PEMT: variants seen among roughly 807,000 people sequenced by gnomAD.
The protein encoded by PEMT is phosphatidylethanolamine N-methyltransferase, also known as phospholipid methyltransferase.
PEMT carries 23 observed loss-of-function variants against 27.4 expected under a neutral mutation model. The observed-to-expected ratio is 0.84, with a 90% CI of 0.60 to 1.19. The LOEUF (loss-of-function observed/expected upper bound fraction) is 1.19, where lower values mean the gene tolerates loss of function less well. PEMT is among the 50% of genes most tolerant of loss of function. PEMT has a pLI of 0.00. For missense variants in PEMT, 307 were observed against 310.1 expected (o/e 0.99, Z 0.07); for synonymous variants, 137 against 139.1 (o/e 0.98, Z 0.11).
At chr17:17,516,092 T>C (rs914299423) in intron 3 of PEMT, among the ~76,000 whole-genome samples, 1 of 152,102 alleles carries the variant, frequency 6.6e-6, no homozygotes, top group African/African-American at 2.4e-5. Flanking sequence ...AACACTTCCC[T>C]GACTTTGATC....
At chr17:17,560,817 C>G (rs1282227564) in intron 2 of PEMT, among the ~76,000 whole-genome samples, 1 of 151,846 alleles carries the variant, frequency 6.6e-6, no homozygotes, top group East Asian at 1.9e-4. Context: ...GTCCAGCCTC[C>G]CCTCGACACT....
At chr17:17,522,844 AGGCCCAAATTTCCGCTGGG>A (rs899065001) in intron 2 of PEMT, among the ~76,000 whole-genome samples, 6 of 152,220 alleles carry the variant, frequency 3.9e-5, no homozygotes, top group African/African-American at 9.7e-5. Context: ...TTCAGAGCAC[AGGCCCAAATTTCCGCTGGG>A]GGCCTCACAA....
Position 17,512,695 on chromosome 17 carries a change from G to A in PEMT, c.321-41C>T, listed in dbSNP as rs747349866. 240 of 1,462,116 alleles carry A rather than the reference G, an allele frequency of 1.6e-4. No individual in the cohort carries two copies. Among genetic ancestry groups the A allele is most frequent in the Non-Finnish European group, 1.9e-4 (208 of 1,096,530 alleles). The allele number at this position is 1,462,116 out of a possible 1,614,324, so 90.6% of individuals were successfully genotyped here. On this transcript the variant is annotated intron_variant, in intron 3 of 6. Transcript: ENST00000255389. This position sits in a 1 kb window ranked among gnomAD's most constrained non-coding sequence, Gnocchi z 6.3. ...GGAGAGGGAGGACGTCATGGCCAGG[G>A]AGGATGTCACAGCCCGGGAGGAGGC...
intron 2 of PEMT, among the ~76,000 whole-genome samples, chr17:17,565,653 G>C (rs1910780755): frequency 6.6e-6 from 1 of 152,276 alleles, no homozygotes; most frequent in African/African-American, 2.4e-5. Flanking sequence ...AGCTGCCACT[G>C]TGTGGCCCTG....
intron 2 of PEMT, among the ~76,000 whole-genome samples, chr17:17,537,702 T>A (rs1351487450): frequency 6.6e-6 from 1 of 152,204 alleles, no homozygotes; most frequent in African/African-American, 2.4e-5. Context: ...CACTCTTTGC[T>A]CCTGGAAGCT....
intron 2 of PEMT, among the ~76,000 whole-genome samples, chr17:17,572,817 T>A (rs1911296792): frequency 6.6e-6 from 1 of 152,256 alleles, no homozygotes; most frequent in Non-Finnish European, 1.5e-5. Flanking sequence ...ATTGAAATAC[T>A]GCATGACATG....
At chr17:17,535,987 G>A (rs1035465582) in intron 2 of PEMT, among the ~76,000 whole-genome samples, 8 of 152,180 alleles carry the variant, frequency 5.3e-5, no homozygotes, top group African/African-American at 1.7e-4. Flanking sequence ...GAGGGCCTTG[G>A]TCCAGTGTCT....
intron 2 of PEMT, among the ~76,000 whole-genome samples, chr17:17,533,069 C>G (rs982463093): frequency 2.0e-5 from 3 of 152,316 alleles, no homozygotes; most frequent in Non-Finnish European, 2.9e-5. Flanking sequence ...GGAGGACTCA[C>G]TTCCTGATTT....
At position 17,561,456 on chromosome 17, in the gene PEMT, G is replaced by A. The variant is rs1031080939; in HGVS notation, c.204+15464C>T. Among the ~76,000 whole-genome samples the A allele has an allele frequency of 6.6e-6, 1 of 152,226 alleles. No homozygotes were observed. Among genetic ancestry groups the A allele is most frequent in the African/African-American group, 2.4e-5 (1 of 41,462 alleles). ...AAAGGTATCAAGGACAAAACCCACA[G>A]AGCAGTTCCACAACAGATGCCCTGG... On this transcript the variant is annotated intron_variant, in intron 2 of 6. Coordinates refer to ENST00000255389, the MANE Select transcript of PEMT (RefSeq NM_148172.3). This position sits in a 1 kb window ranked among gnomAD's most constrained non-coding sequence, Gnocchi z 4.5.
intron 2 of PEMT, among the ~76,000 whole-genome samples, chr17:17,549,374 G>A (rs543522204): frequency 6.6e-6 from 1 of 152,128 alleles, no homozygotes; most frequent in Middle Eastern, 3.2e-3. Context: ...ATTTTTAGTA[G>A]AGATGGGGTT....
At chr17:17,576,805 A>T (rs1175881696) in intron 2 of PEMT, 115 bp downstream of exon 2, 10 of 795,720 alleles carry the variant, frequency 1.3e-5, no homozygotes, top group Middle Eastern at 2.3e-4. Flanking sequence ...GGGAGGGAAG[A>T]GCAGAGCTGT....
chr17:17,521,690 G>A (rs1366819881), intron 3 of PEMT, among the ~76,000 whole-genome samples: 3 of 152,084 alleles, frequency 2.0e-5, no homozygotes, highest in Admixed American at 6.5e-5. Context: ...TCAGCCTCTC[G>A]AGTAGCTGGG....
chr17:17,527,716 G>A (rs1907781046), intron 2 of PEMT, among the ~76,000 whole-genome samples: 1 of 152,244 alleles, frequency 6.6e-6, no homozygotes, highest in Non-Finnish European at 1.5e-5. Flanking sequence ...AAGAGGCTAA[G>A]TCCAAGCTAT....
intron 2 of PEMT, among the ~76,000 whole-genome samples, chr17:17,529,784 T>G (rs1907955437): frequency 6.6e-6 from 1 of 152,186 alleles, no homozygotes; most frequent in African/African-American, 2.4e-5. Context: ...GAACATGGGC[T>G]CTGAGTTCAA....
intron 2 of PEMT, among the ~76,000 whole-genome samples, chr17:17,527,132 G>T (rs772072042): frequency 3.3e-5 from 5 of 152,158 alleles, no homozygotes; most frequent in Non-Finnish European, 7.3e-5. Flanking sequence ...CCGCCTCCCG[G>T]GTTCAGGTGA....
chr17:17,511,406 G>C (rs1467870802), intron 4 of PEMT, among the ~76,000 whole-genome samples: 1 of 152,254 alleles, frequency 6.6e-6, no homozygotes, highest in Non-Finnish European at 1.5e-5. Flanking sequence ...TGCACCCACA[G>C]ATGCCACTTC....
At chr17:17,546,701 C>T (rs1329738624) in intron 2 of PEMT, among the ~76,000 whole-genome samples, 1 of 152,190 alleles carries the variant, frequency 6.6e-6, no homozygotes, top group African/African-American at 2.4e-5. Flanking sequence ...GCTGGCCTAG[C>T]CTATGGCCAA....
chr17:17,524,561 C>G (rs1907528595), intron 2 of PEMT, among the ~76,000 whole-genome samples: 1 of 141,554 alleles, frequency 7.1e-6, no homozygotes, highest in Admixed American at 7.1e-5. Context: ...CTTAGGAGCT[C>G]AAGACCAGCC....
At chr17:17,531,064 AT>A (rs940223480) in intron 2 of PEMT, among the ~76,000 whole-genome samples, 3 of 150,150 alleles carry the variant, frequency 2.0e-5, no homozygotes, top group African/African-American at 7.4e-5. Context: ...AAAAAAAATC[AT>A]TTTTCCTAGA....
Sources: gnomAD v4.1 joint callset for allele counts (sites outside exome capture counted in the v4.1 genomes callset) on GRCh38, gnomAD v4.1.1 for gene constraint, Gnocchi (gnomAD v3.1) non-coding constraint, MANE v1.5 for transcripts, NCBI Gene and HGNC (gene_info 2026-07-23, HGNC 2026-07-21) for gene names.